Variants in GPX3 observed in about 807,000 individuals in gnomAD.
GPX3 encodes the protein glutathione peroxidase 3, also known as GPx-3.
GPX3 carries 22 observed loss-of-function variants against 25.1 expected under a neutral mutation model. The ratio of observed to expected loss-of-function variants is 0.88; its 90% CI spans 0.63 to 1.25. The LOEUF (loss-of-function observed/expected upper bound fraction) is 1.25. GPX3 is among the 50% of genes most tolerant of loss of function. The pLI, the probability that GPX3 is intolerant of heterozygous loss-of-function variation, is 0.00. For synonymous variants in GPX3, 110 were observed against 114.5 expected, an observed-to-expected ratio of 0.96 and a Z score of 0.25; for missense variants, 278 against 286.6, an observed-to-expected ratio of 0.97 and a Z score of 0.22.
Position 151,028,347 on chromosome 5 carries a change from G to A in GPX3, c.*217G>A. 5 of 568,216 alleles carry A rather than the reference G, an allele frequency of 8.8e-6. No individual in the cohort carries two copies. In the South Asian group the frequency reaches 9.9e-5, roughly 11 times the overall value. The allele number at this position is 568,216 out of a possible 1,614,324, so 35.2% of individuals were successfully genotyped here. ...TACACACATGCCTACAGGTATGCGTGATTGTGTGTGTGTGCATGGGTGTAC... is the reference window on the plus strand; with the variant it reads ...TACACACATGCCTACAGGTATGCGTAATTGTGTGTGTGTGCATGGGTGTAC... On this transcript the variant is annotated 3_prime_UTR_variant, in exon 5 of 5. Coordinates refer to ENST00000388825, the MANE Select transcript of GPX3 (RefSeq NM_002084.5).
At chr5:151,023,712 T>C (rs1384011275) in intron 1 of GPX3, among the ~76,000 whole-genome samples, 1 of 152,154 alleles carries the variant, frequency 6.6e-6, no homozygotes, top group Admixed American at 6.5e-5. Context: ...CCAGTTTGTC[T>C]GCATTTTAAG....
chr5:151,027,647 C>G lies in GPX3; in HGVS notation c.459+116C>G, dbSNP rs1419134962. 3 of 731,560 alleles carry G rather than the reference C, an allele frequency of 4.1e-6. No individual in the cohort carries two copies. In the Admixed American group the frequency reaches 7.4e-5, roughly 18 times the overall value. 45.3% of individuals were successfully genotyped at this position (731,560 alleles called of 1,614,324 possible). On this transcript the variant is annotated intron_variant, in intron 4 of 4. Coordinates refer to ENST00000388825, the MANE Select transcript of GPX3 (RefSeq NM_002084.5). The stretch of plus-strand genomic sequence containing the variant: ...TGGGCTCTTGGGGAATTTCTTGGCA[C>G]CTGACTATTGTTCCAACTAGAGGGC...
Position 151,026,936 on chromosome 5 carries a change from G to A in GPX3, c.278G>A (p.Gly93Asp). 6.2e-7 allele frequency: 1 copy of A among 1,614,144 alleles called. No individual in the cohort carries two copies. Residue 93 changes from glycine to aspartate, a missense_variant, in exon 3 of 5, where the codon GGT becomes GAT. Transcript: ENST00000388825. ...CTACAGGAAGAGCTTGCACCATTCGGTCTGGTCATTCTGGGCTTTCCCTGC... is the reference window on the plus strand; with the variant it reads ...CTACAGGAAGAGCTTGCACCATTCGATCTGGTCATTCTGGGCTTTCCCTGC... ...NALQEELAPF[G>D]LVILGFPCNQ...
chr5:151,023,123 G>A (rs1175839621), intron 1 of GPX3, among the ~76,000 whole-genome samples: 1 of 152,184 alleles, frequency 6.6e-6, no homozygotes, highest in Non-Finnish European at 1.5e-5. Context: ...TTGCCCGGCT[G>A]TGGGAGGATT....
Position 151,025,477 on chromosome 5 carries a change from G to A in GPX3, c.225G>A (p.Leu75=). ...LFVNVASYUG[L]TGQYIELNAL... The stretch of plus-strand genomic sequence containing the variant: ...TCAACGTGGCCAGCTACTGAGGCCT[G>A]ACGGGCCAGTACATTGGTAAGAGCC... The change falls in exon 2 of 5, where the codon CTG becomes CTA. Residue 75 remains leucine, a synonymous_variant. Coordinates refer to ENST00000388825, the MANE Select transcript of GPX3 (RefSeq NM_002084.5). 1 of 1,610,376 alleles carries A rather than the reference G, an allele frequency of 6.2e-7. No individual in the cohort carries two copies. The highest frequency in any genetic ancestry group is 8.5e-7 in the Non-Finnish European group (1 of 1,178,528).
At chr5:151,024,269 G>T (rs1035311809) in intron 1 of GPX3, among the ~76,000 whole-genome samples, 4 of 152,136 alleles carry the variant, frequency 2.6e-5, no homozygotes, top group African/African-American at 9.7e-5. Flanking sequence ...CTGCCAAATT[G>T]TGTCAATGAT....
chr5:151,027,740 C>T, intron 4 of GPX3, 169 bp from the exon 5 acceptor site: 1 of 713,638 alleles, frequency 1.4e-6, no homozygotes, highest in Admixed American at 2.2e-5. Flanking sequence ...CCAGAGTGAA[C>T]ATACTAAGGG....
At chr5:151,020,819 T>A in intron 1 of GPX3, 78 bp downstream of exon 1, 1 of 1,297,852 alleles carries the variant, frequency 7.7e-7, no homozygotes, top group Non-Finnish European at 1.1e-6. Context: ...AATGCACCCC[T>A]TTTCCCAGGC....
At chr5:151,027,399 C>G (rs1354041388) in intron 3 of GPX3, 33 bp from the exon 4 acceptor site, 1 of 1,447,324 alleles carries the variant, frequency 6.9e-7, no homozygotes, top group East Asian at 2.3e-5. Flanking sequence ...GTGCCCACCT[C>G]CTTGGGACCC....
Position 151,027,426 on chromosome 5 carries a change from C to T in GPX3, c.360-6C>T. 2 of 1,603,562 alleles carry T rather than the reference C, an allele frequency of 1.2e-6. No homozygotes were observed. The highest frequency in any genetic ancestry group is 8.5e-7 in the Non-Finnish European group (1 of 1,170,532). ...TTGGGACCCACCTAAGAACATTTCT[C>T]AACAGGTATGTCCGACCAGGTGGAG... is the stretch of plus-strand genomic sequence containing the variant. On this transcript the variant is annotated splice_region_variant and splice_polypyrimidine_tract_variant and intron_variant, in intron 3 of 4. Coordinates refer to ENST00000388825, the MANE Select transcript of GPX3 (RefSeq NM_002084.5).
chr5:151,027,378 T>G, intron 3 of GPX3, 54 bp from the exon 4 acceptor site: 1 of 1,164,132 alleles, frequency 8.6e-7, no homozygotes. Context: ...TTCCTCTCAT[T>G]TCTGAGCCCT....
At chr5:151,023,808 C>T (rs933275656) in intron 1 of GPX3, among the ~76,000 whole-genome samples, 1 of 152,182 alleles carries the variant, frequency 6.6e-6, no homozygotes, top group Non-Finnish European at 1.5e-5. Context: ...CCAGCACCCA[C>T]CAAAAGTCAC....
chr5:151,027,310 C>T, intron 3 of GPX3, 122 bp from the exon 4 acceptor site: 1 of 694,534 alleles, frequency 1.4e-6, no homozygotes, highest in East Asian at 2.6e-5. Flanking sequence ...TCACTGGCTC[C>T]TGCTGCCCAC....
chr5:151,027,017 A>G lies in GPX3; in HGVS notation c.359A>G (p.Lys120Arg). The change falls in exon 3 of 5, where the codon AAG (lysine) becomes AGG (arginine). Residue 120 changes from lysine (K) to arginine (R), a missense_variant and splice_region_variant. By Grantham distance (26) the Lys-to-Arg change is conservative. Transcript: ENST00000388825. ...AACTCAGAGATCCTTCCTACCCTCA[A>G]GTGAGTACTCACTCAGCATCCTGAG... ...GENSEILPTLKYVRPGGGFVP... is the reference protein window; with the variant it reads ...GENSEILPTLRYVRPGGGFVP... 6.3e-7 allele frequency: 1 copy of G among 1,591,184 alleles called. No homozygotes were observed. The highest frequency in any genetic ancestry group is 8.6e-7 in the Non-Finnish European group (1 of 1,159,504).
At position 151,025,469 on chromosome 5, in the gene GPX3, T is replaced by C. The variant is rs748297956; in HGVS notation, c.217T>C (p.Sec73Arg). ...CCTCTTTGTCAACGTGGCCAGCTAC[T>C]GAGGCCTGACGGGCCAGTACATTGG... is the stretch of plus-strand genomic sequence containing the variant. Reference protein sequence around the residue: ...YVLFVNVASYUGLTGQYIELN... With the variant: ...YVLFVNVASYRGLTGQYIELN... The change falls in exon 2 of 5, where the codon TGA becomes CGA. Residue 73 changes from selenocysteine to arginine, a missense_variant. Coordinates refer to ENST00000388825, the MANE Select transcript of GPX3 (RefSeq NM_002084.5). 6.2e-6 allele frequency: 10 copies of C among 1,611,942 alleles called. No homozygotes were observed. The highest frequency in any genetic ancestry group is 5.9e-6 in the Non-Finnish European group (7 of 1,179,166).
At position 151,027,415 on chromosome 5, in the gene GPX3, A is replaced by T. The variant is rs372426000; in HGVS notation, c.360-17A>T. The T allele has an allele frequency of 1.0e-5, 16 of 1,577,758 alleles. No homozygotes were observed. In the East Asian group the frequency reaches 3.4e-4, roughly 33 times the overall value. The stretch of plus-strand genomic sequence containing the variant: ...TGCCCACCTCCTTGGGACCCACCTA[A>T]GAACATTTCTCAACAGGTATGTCCG... On this transcript the variant is annotated splice_polypyrimidine_tract_variant and intron_variant, in intron 3 of 4. Coordinates refer to ENST00000388825, the MANE Select transcript of GPX3 (RefSeq NM_002084.5).
At position 151,028,222 on chromosome 5, in the gene GPX3, C is replaced by T. The variant is rs11548; in HGVS notation, c.*92C>T. The T allele has an allele frequency of 0.097, 109,980 of 1,137,688 alleles. 8,365 individuals carry two copies. Among genetic ancestry groups the T allele is most frequent in the East Asian group, 0.39 (15,361 of 39,100 alleles). 70.5% of individuals were successfully genotyped at this position (1,137,688 alleles called of 1,614,324 possible). On this transcript the variant is annotated 3_prime_UTR_variant, in exon 5 of 5. Transcript: ENST00000388825. ...CTCCAACCACACTATCTACCCATCA[C>T]AGACCCCTTTCCTATCACTCAAGGC...
intron 3 of GPX3, 146 bp from the exon 4 acceptor site, chr5:151,027,286 T>A (rs1756564620): frequency 3.1e-6 from 2 of 654,318 alleles, no homozygotes; most frequent in East Asian, 5.3e-5. Flanking sequence ...ATTATGCCTA[T>A]GCCCACTGCA....
At chr5:151,026,079 T>G (rs543393423) in intron 2 of GPX3, among the ~76,000 whole-genome samples, 1 of 152,212 alleles carries the variant, frequency 6.6e-6, no homozygotes, top group Admixed American at 6.5e-5. Context: ...ACAAAGCTAT[T>G]AGCGGTGGAA....
Sources: allele counts gnomAD v4.1 joint callset (sites outside exome capture counted in the v4.1 genomes callset), GRCh38; gene constraint gnomAD v4.1.1; transcripts MANE v1.5; gene names NCBI Gene and HGNC (gene_info 2026-07-23, HGNC 2026-07-21).